The following CHM variants were observed in gnomAD, a reference collection of about 807,000 sequenced individuals.
The protein encoded by CHM is CHM Rab escort protein.
A neutral mutation model predicts 49.0 loss-of-function variants in CHM; 10 were observed. That is an observed-to-expected ratio of 0.20 (90% confidence interval 0.13 to 0.35). CHM has a LOEUF of 0.35. Ranked by LOEUF, CHM falls within the 10% of genes least tolerant of loss-of-function variation. The pLI, the probability that CHM is intolerant of heterozygous loss-of-function variation, is 1.00. For synonymous variants in CHM, 184 were observed against 167.5 expected, an observed-to-expected ratio of 1.10 and a Z score of -0.76; for missense variants, 455 against 478.4, an observed-to-expected ratio of 0.95 and a Z score of 0.46.
intron 13 of CHM, among the ~76,000 whole-genome samples, chrX:85,877,202 T>A (rs2148124667): frequency 8.9e-6 from 1 of 111,835 alleles, no homozygotes; most frequent in South Asian, 3.7e-4. Flanking sequence ...AAAACTAAAA[T>A]AATTTAATTT....
chrX:86,028,033 T>C, intron 1 of CHM, among the ~76,000 whole-genome samples: 1 of 112,363 alleles, frequency 8.9e-6, no homozygotes, highest in East Asian at 2.8e-4. Context: ...AGTGCTGAGA[T>C]TATAGGCGTG....
chrX:85,970,208 C>A (rs945419542), intron 4 of CHM: 1 of 632,328 alleles, frequency 1.6e-6, no homozygotes, highest in Non-Finnish European at 1.9e-6. Context: ...TGAATATATA[C>A]AATTATTATG....
At chrX:85,956,457 G>A in intron 7 of CHM, 79 bp from the exon 8 acceptor site, 2 of 1,135,265 alleles carry the variant, frequency 1.8e-6, no homozygotes, top group Admixed American at 5.2e-5. Flanking sequence ...AGGAGATGAA[G>A]TGTGTTTCAC....
chrX:85,934,432 C>T (rs1928653535), intron 8 of CHM, among the ~76,000 whole-genome samples: 2 of 69,690 alleles, frequency 2.9e-5, no homozygotes, highest in Non-Finnish European at 5.3e-5. Context: ...CCCCTCCCCC[C>T]ACCCCATGAC....
chrX:85,951,445 C>G (rs62608887), intron 8 of CHM, among the ~76,000 whole-genome samples: 24,811 of 109,747 alleles, frequency 0.23, 2,154 homozygotes, highest in Middle Eastern at 0.26. Context: ...ACTAAATGAC[C>G]TCCCAAAAAA....
chrX:85,964,001 A>G lies in CHM; in HGVS notation c.366T>C (p.His122=), dbSNP rs758993385. ...TGGAGTTTGCAGATGTCACAAGAGC[A>G]TGATTTTTCTGCAGTGCACCAGCTT... ...VEEAGALQKN[H]ALVTSANSTE... The change falls in exon 5 of 15, where the codon CAT becomes CAC. Residue 122 remains histidine (H), a synonymous_variant. Transcript: ENST00000357749. 1.7e-6 allele frequency: 2 copies of G among 1,209,438 alleles called. No homozygotes were observed. Among genetic ancestry groups the G allele is most frequent in the Non-Finnish European group, 2.2e-6 (2 of 894,531 alleles).
At chrX:85,992,394 A>G (rs1307252813) in intron 2 of CHM, among the ~76,000 whole-genome samples, 1 of 111,998 alleles carries the variant, frequency 8.9e-6, no homozygotes, top group African/African-American at 3.2e-5. Context: ...TGGCATGTCT[A>G]CTAGTATTGA....
At chrX:85,910,565 A>G (rs1926867147) in intron 9 of CHM, among the ~76,000 whole-genome samples, 1 of 111,851 alleles carries the variant, frequency 8.9e-6, no homozygotes, top group African/African-American at 3.2e-5. Context: ...AATACACAGT[A>G]AACAGATGGT....
At chrX:85,930,438 T>C (rs561693743) in intron 8 of CHM, among the ~76,000 whole-genome samples, 3 of 112,125 alleles carry the variant, frequency 2.7e-5, no homozygotes, top group East Asian at 5.6e-4. Flanking sequence ...AAGGTCAAAG[T>C]TCCTATTTAA....
chrX:85,887,328 C>T (rs2148135198), intron 12 of CHM, among the ~76,000 whole-genome samples: 1 of 111,396 alleles, frequency 9.0e-6, no homozygotes, highest in African/African-American at 3.3e-5. Context: ...TTTCCCTGCA[C>T]AAGCTCTCTC....
At chrX:85,911,125 A>ATATG (rs1926904703) in intron 9 of CHM, 136 bp downstream of exon 9, 1 of 8,346 alleles carries the variant, frequency 1.2e-4, no homozygotes, top group African/African-American at 3.1e-4. Flanking sequence ...GTGTGTGTGT[A>ATATG]TATGTATATA....
intron 8 of CHM, among the ~76,000 whole-genome samples, chrX:85,941,565 A>T (rs905902979): frequency 3.6e-5 from 4 of 111,685 alleles, no homozygotes; most frequent in African/African-American, 6.5e-5. Flanking sequence ...GGGGTTTTTT[A>T]AAATTATCAA....
At chrX:85,913,003 A>T (rs1603248655) in intron 8 of CHM, among the ~76,000 whole-genome samples, 2 of 74,557 alleles carry the variant, frequency 2.7e-5, no homozygotes, top group South Asian at 1.6e-3. Context: ...ACAGAGTGAG[A>T]CTCCATCTCA....
chrX:85,910,195 G>GT (rs1332521005), intron 9 of CHM, among the ~76,000 whole-genome samples: 1 of 111,492 alleles, frequency 9.0e-6, no homozygotes, highest in Non-Finnish European at 1.9e-5. Context: ...CAAAATACTA[G>GT]TTTTTTCACT....
At chrX:85,896,646 G>A (rs1603242734) in intron 11 of CHM, among the ~76,000 whole-genome samples, 1 of 107,874 alleles carries the variant, frequency 9.3e-6, no homozygotes, top group South Asian at 4.0e-4. Context: ...CATCTAGTGA[G>A]TATGCCCAAA....
At chrX:85,939,136 T>C (rs1278760094) in intron 8 of CHM, among the ~76,000 whole-genome samples, 1 of 112,143 alleles carries the variant, frequency 8.9e-6, no homozygotes, top group Non-Finnish European at 1.9e-5. Flanking sequence ...TCTAGGCATA[T>C]AGTAGGTTGT....
chrX:85,978,992 A>G, intron 3 of CHM, 101 bp from the exon 4 acceptor site: 2 of 911,554 alleles, frequency 2.2e-6, no homozygotes, highest in Non-Finnish European at 3.0e-6. Context: ...TGCTTATTTC[A>G]TCTTACCAAA....
chrX:85,994,229 G>A (rs941192158), intron 2 of CHM, among the ~76,000 whole-genome samples: 5 of 111,951 alleles, frequency 4.5e-5, no homozygotes, highest in Non-Finnish European at 9.4e-5. Context: ...TTCTTTACCT[G>A]TAACATAGAA....
In CHM at chrX:86,023,814, CA is replaced by C. The variant is rs897223025; in HGVS notation, c.116+3676del. Among the ~76,000 whole-genome samples, 231 of 103,046 alleles carry C rather than the reference CA, an allele frequency of 2.2e-3. 1 individual carries two copies. Among genetic ancestry groups the C allele is most frequent in the African/African-American group, 7.2e-3 (207 of 28,599 alleles). The allele number at this position is 103,046 out of a possible 115,157, so 89.5% of individuals were successfully genotyped here. ...TATACAACACCAAACTAACCATTAA[CA>C]AAAAAAAAAATCATACACACAAATA... On this transcript the variant is annotated intron_variant, in intron 2 of 14. Coordinates refer to ENST00000357749, the MANE Select transcript of CHM (RefSeq NM_000390.4).
Sources: gnomAD v4.1 joint callset for allele counts (sites outside exome capture counted in the v4.1 genomes callset) on GRCh38, gnomAD v4.1.1 for gene constraint, MANE v1.5 for transcripts, NCBI Gene and HGNC (gene_info 2026-07-23, HGNC 2026-07-21) for gene names.